The following XKR9 variants were observed in gnomAD, a reference collection of about 807,000 sequenced individuals.
XKR9 encodes the protein XK related 9.
A neutral mutation model predicts 32.0 loss-of-function variants in XKR9; 32 were observed. The ratio of observed to expected loss-of-function variants is 1.00; its 90% CI spans 0.76 to 1.34. The LOEUF (loss-of-function observed/expected upper bound fraction) is 1.34. Ranked by LOEUF, XKR9 falls within the 40% of genes most tolerant of loss-of-function variation. The probability of loss-of-function intolerance (pLI) is 0.00; values close to 1 mark genes in which losing one functional copy is unlikely to be tolerated. For synonymous variants in XKR9, 168 were observed against 143.4 expected (o/e 1.17, Z -1.22); for missense variants, 546 against 429.7 (o/e 1.27, Z -2.39).
At chr8:70,827,501 T>C in the XKR9 span, among the ~76,000 whole-genome samples, 1 of 152,182 alleles carries the variant, frequency 6.6e-6, no homozygotes, top group Admixed American at 6.5e-5. Context: ...AAGAGAAAGT[T>C]TGGAAAGCTT....
rs1339124333 is a variant in XKR9 at position 70,706,966 on chromosome 8, AG to A, written c.307del (p.Ala103LeufsTer23). On this transcript the variant is annotated frameshift_variant, in exon 4 of 5. Coordinates refer to ENST00000408926, the MANE Select transcript of XKR9 (RefSeq NM_001011720.2). LOFTEE classifies it high-confidence loss of function. Reference protein sequence around the residue: ...WFALKRGYHAAFKYDSNTSNF... With the variant: ...WFALKRGYHAXFKYDSNTSNF... ...TTGCCTTAAAAAGGGGTTACCATGC[AG>A]CTTTTAAATATGACAGCAATACTAG... The A allele has an allele frequency of 6.2e-7, 1 of 1,612,954 alleles. No homozygotes were observed. The highest frequency in any genetic ancestry group is 1.7e-5 in the Admixed American group (1 of 59,938).
chr8:70,856,909 T>A, the XKR9 span, among the ~76,000 whole-genome samples: 4 of 152,252 alleles, frequency 2.6e-5, no homozygotes, highest in Admixed American at 2.6e-4. Context: ...GAAATAAAGA[T>A]GTTCTTTGAA....
downstream of XKR9, among the ~76,000 whole-genome samples, chr8:70,793,141 G>C (rs1807785435): frequency 6.6e-6 from 1 of 151,956 alleles, no homozygotes; most frequent in Admixed American, 6.6e-5. Context: ...TCATTCTTTT[G>C]AATATAGATA....
At chr8:70,868,841 T>C in the XKR9 span, among the ~76,000 whole-genome samples, 3 of 152,186 alleles carry the variant, frequency 2.0e-5, no homozygotes, top group Non-Finnish European at 4.4e-5. Flanking sequence ...TCCCTTATAA[T>C]TCTGAATGCC....
chr8:70,709,783 G>T (rs1805847018), intron 4 of XKR9, among the ~76,000 whole-genome samples: 1 of 152,258 alleles, frequency 6.6e-6, no homozygotes, highest in East Asian at 1.9e-4. Flanking sequence ...ACAAAACACT[G>T]TTAAAAGAAA....
rs191957876 is a variant in XKR9 at position 70,768,192 on chromosome 8, C to T, written n.353-21147C>T. 5.9e-3 allele frequency among the ~76,000 whole-genome samples: 898 copies of T among 152,160 alleles called. 12 individuals carry two copies. Among genetic ancestry groups the T allele is most frequent in the African/African-American group, 0.021 (857 of 41,522 alleles). ...TTTTGTTATTTACCTAGTAGTGATT[C>T]GGGAGCAGGTTGTTCAGTTTCCATG... On this transcript the variant is annotated intron_variant and non_coding_transcript_variant, in intron 2 of 3. Coordinates refer to the XKR9 transcript ENST00000520273.
At chr8:70,965,994 T>C in the XKR9 span, among the ~76,000 whole-genome samples, 1 of 152,174 alleles carries the variant, frequency 6.6e-6, no homozygotes, top group East Asian at 1.9e-4. Flanking sequence ...CTAGTTCTTT[T>C]AGTTGCGATC....
the XKR9 span, among the ~76,000 whole-genome samples, chr8:70,801,163 C>T: frequency 6.6e-6 from 1 of 152,030 alleles, no homozygotes; most frequent in Admixed American, 6.6e-5. Context: ...TATGGTTTTT[C>T]ATGTCTCAGT....
chr8:70,692,817 T>C (rs1237344047), intron 3 of XKR9, among the ~76,000 whole-genome samples: 1 of 152,058 alleles, frequency 6.6e-6, no homozygotes, highest in East Asian at 1.9e-4. Context: ...CGACCTCAGG[T>C]GATCTGCCCG....
chr8:70,710,238 G>A (rs1355100858), intron 4 of XKR9, among the ~76,000 whole-genome samples: 1 of 152,112 alleles, frequency 6.6e-6, no homozygotes, highest in African/African-American at 2.4e-5. Flanking sequence ...GGCTAGCCAT[G>A]TTTAGAAGAT....
the XKR9 span, among the ~76,000 whole-genome samples, chr8:71,034,635 G>A: frequency 2.0e-5 from 3 of 152,158 alleles, no homozygotes; most frequent in Admixed American, 1.3e-4. Context: ...CTGGTTGGCA[G>A]TCTTAGTCTT....
At chr8:70,682,499 G>T (rs768614238) in intron 3 of XKR9, among the ~76,000 whole-genome samples, 2 of 152,110 alleles carry the variant, frequency 1.3e-5, no homozygotes, top group Non-Finnish European at 2.9e-5. Context: ...TAAAAGAAAG[G>T]CCAAATTGCC....
chr8:70,858,351 G>T, the XKR9 span, among the ~76,000 whole-genome samples: 4 of 152,062 alleles, frequency 2.6e-5, no homozygotes, highest in Non-Finnish European at 4.4e-5. Context: ...AATCATGAGT[G>T]AACTCCCATT....
the XKR9 span, among the ~76,000 whole-genome samples, chr8:70,801,617 G>C: frequency 6.6e-6 from 1 of 152,198 alleles, no homozygotes; most frequent in Non-Finnish European, 1.5e-5. Context: ...TCCATATGCA[G>C]ATGAGAAGAA....
chr8:71,041,748 C>G, the XKR9 span, among the ~76,000 whole-genome samples: 1 of 152,188 alleles, frequency 6.6e-6, no homozygotes, highest in Admixed American at 6.5e-5. Context: ...CTCCCTTTCT[C>G]TCTCTCTCTG....
chr8:71,003,341 C>T, the XKR9 span, among the ~76,000 whole-genome samples: 18 of 152,332 alleles, frequency 1.2e-4, no homozygotes, highest in African/African-American at 3.8e-4. Context: ...AATTCTTCAA[C>T]AATTCCTTCT....
chr8:70,792,298 A>G (rs1250866642), downstream of XKR9, among the ~76,000 whole-genome samples: 1 of 152,112 alleles, frequency 6.6e-6, no homozygotes, highest in East Asian at 1.9e-4. Flanking sequence ...GGAATCTCAG[A>G]CAATCATTAC....
At chr8:70,878,469 G>A in the XKR9 span, among the ~76,000 whole-genome samples, 1 of 151,848 alleles carries the variant, frequency 6.6e-6, no homozygotes, top group Non-Finnish European at 1.5e-5. Context: ...GATCTACCAA[G>A]CAAATGGAAA....
the XKR9 span, among the ~76,000 whole-genome samples, chr8:70,973,750 T>A: frequency 1.3e-5 from 2 of 152,214 alleles, no homozygotes; most frequent in Non-Finnish European, 2.9e-5. Flanking sequence ...GTTATTTAAT[T>A]TCCATGTATT....
Sources: allele counts gnomAD v4.1 joint callset (sites outside exome capture counted in the v4.1 genomes callset), GRCh38; gene constraint gnomAD v4.1.1; transcripts MANE v1.5; gene names NCBI Gene and HGNC (gene_info 2026-07-23, HGNC 2026-07-21).